The following AGTPBP1 variants were observed in gnomAD, a reference collection of about 807,000 sequenced individuals.
AGTPBP1 encodes ATP/GTP binding carboxypeptidase 1, also known as cytosolic carboxypeptidase 1.
AGTPBP1 carries 70 observed loss-of-function variants against 143.9 expected under a neutral mutation model. The ratio of observed to expected loss-of-function variants is 0.49; its 90% CI spans 0.40 to 0.59. The LOEUF is 0.59. Ranked by LOEUF, AGTPBP1 falls within the 20% of genes least tolerant of loss-of-function variation. The pLI, the probability that AGTPBP1 is intolerant of heterozygous loss-of-function variation, is 0.00. For missense variants in AGTPBP1, 1,229 were observed against 1,464.5 expected (o/e 0.84, Z 2.62); for synonymous variants, 463 against 500.2 (o/e 0.93, Z 0.99).
chr9:85,742,128 C>T, upstream of AGTPBP1: 1 of 864,600 alleles, frequency 1.2e-6, no homozygotes, highest in Non-Finnish European at 1.5e-6. Flanking sequence ...CGCTGCGCCC[C>T]GCCTCTCTGC....
intron 13 of AGTPBP1, 114 bp from the exon 14 acceptor site, chr9:85,633,488 G>A: frequency 7.0e-6 from 5 of 711,440 alleles, no homozygotes; most frequent in South Asian, 7.0e-5. Flanking sequence ...TTTTAAAGAT[G>A]GATAAAACCG....
chr9:85,655,344 A>G (rs1401011426), intron 10 of AGTPBP1, 24 bp from the exon 11 acceptor site: 1 of 1,476,408 alleles, frequency 6.8e-7, no homozygotes, highest in Non-Finnish European at 9.0e-7. Context: ...AAAGAAAAAG[A>G]AAAAGAATGT....
At chr9:85,728,063 A>ACC (rs1239636439) in intron 1 of AGTPBP1, among the ~76,000 whole-genome samples, 2 of 151,202 alleles carry the variant, frequency 1.3e-5, no homozygotes, top group Non-Finnish European at 2.9e-5. Flanking sequence ...ACACACACAC[A>ACC]CACACACACA....
intron 17 of AGTPBP1, among the ~76,000 whole-genome samples, chr9:85,608,429 G>A (rs1469897188): frequency 6.6e-6 from 1 of 151,814 alleles, no homozygotes; most frequent in African/African-American, 2.4e-5. Flanking sequence ...AAAATATAGA[G>A]AACCAAATGA....
At chr9:85,662,509 C>T (rs1385618826) in intron 8 of AGTPBP1, among the ~76,000 whole-genome samples, 4 of 152,028 alleles carry the variant, frequency 2.6e-5, no homozygotes, top group Admixed American at 1.3e-4. Flanking sequence ...ATAAGGATAG[C>T]TTTTAAATTG....
chr9:85,570,999 C>T (rs1467981951), intron 25 of AGTPBP1, among the ~76,000 whole-genome samples: 2 of 152,198 alleles, frequency 1.3e-5, no homozygotes, highest in Non-Finnish European at 2.9e-5. Context: ...AAAAACTAGA[C>T]TTAACCCTTA....
intron 1 of AGTPBP1, among the ~76,000 whole-genome samples, chr9:85,718,647 T>C (rs1837884458): frequency 6.6e-6 from 1 of 152,200 alleles, no homozygotes; most frequent in Admixed American, 6.5e-5. Context: ...ACAGTTTCTT[T>C]TGCTGTGCAG....
At chr9:85,756,759 A>G in the AGTPBP1 span, among the ~76,000 whole-genome samples, 1 of 152,202 alleles carries the variant, frequency 6.6e-6, no homozygotes, top group Non-Finnish European at 1.5e-5. Flanking sequence ...ATATTATTTG[A>G]CAATAGAAGG....
chr9:85,739,601 G>A (rs62570632), intron 1 of AGTPBP1, among the ~76,000 whole-genome samples: 2,225 of 151,970 alleles, frequency 0.015, 24 homozygotes, highest in Middle Eastern at 0.037. Flanking sequence ...CCAGCTATTC[G>A]GGAGGCTGAG....
At chr9:85,704,802 TAAAC>T (rs1352946052) in intron 2 of AGTPBP1, among the ~76,000 whole-genome samples, 5 of 152,066 alleles carry the variant, frequency 3.3e-5, no homozygotes, top group African/African-American at 4.8e-5. Flanking sequence ...TTATAATTAA[TAAAC>T]AAGGATATTA....
At position 85,714,247 on chromosome 9, in the gene AGTPBP1, C is replaced by G. The variant is rs576983830; in HGVS notation, c.-33-1681G>C. On this transcript the variant is annotated intron_variant, in intron 1 of 25. Transcript: ENST00000357081. The stretch of plus-strand genomic sequence containing the variant: ...AGTCCTCTGGCGTTACCAAAGTGAA[C>G]AGATCCAGGAGCTGAAGAGGGTCCA... 5.9e-5 allele frequency among the ~76,000 whole-genome samples: 9 copies of G among 152,304 alleles called. No individual in the cohort carries two copies. The East Asian group carries it at 1.7e-3, about 29-fold the overall frequency.
the AGTPBP1 span, among the ~76,000 whole-genome samples, chr9:85,785,202 C>A: frequency 6.6e-6 from 1 of 151,978 alleles, no homozygotes; most frequent in Non-Finnish European, 1.5e-5. Flanking sequence ...GGCGTGGTGG[C>A]GGGCGCCTGT....
At chr9:85,597,949 G>C (rs915695608) in intron 17 of AGTPBP1, among the ~76,000 whole-genome samples, 3 of 152,014 alleles carry the variant, frequency 2.0e-5, no homozygotes, top group Non-Finnish European at 4.4e-5. Context: ...CCAAGTATTG[G>C]TAAGATTATA....
At chr9:85,700,984 C>T (rs539060371) in intron 2 of AGTPBP1, among the ~76,000 whole-genome samples, 36 of 152,090 alleles carry the variant, frequency 2.4e-4, no homozygotes, top group African/African-American at 8.2e-4. Context: ...GTGGCGCAAT[C>T]TCGGCTCACT....
intron 13 of AGTPBP1, among the ~76,000 whole-genome samples, chr9:85,634,615 G>C (rs1831914393): frequency 6.6e-6 from 1 of 152,148 alleles, no homozygotes; most frequent in Non-Finnish European, 1.5e-5. Context: ...CAGGGTTTCT[G>C]AATGACAGTG....
rs189491975 is a variant in AGTPBP1 at position 85,724,977 on chromosome 9, T to C, written c.-33-12411A>G. Among the ~76,000 whole-genome samples the C allele has an allele frequency of 5.9e-5, 9 of 152,372 alleles. No homozygotes were observed. In the East Asian group the frequency reaches 1.7e-3, roughly 29 times the overall value. ...ATACGGTATAATGGCACACAGTATC[T>C]ATCCCAATTTCCCTCTACCGTGCCT... On this transcript the variant is annotated intron_variant, in intron 1 of 25. Transcript: ENST00000357081.
chr9:85,768,136 T>C, the AGTPBP1 span, among the ~76,000 whole-genome samples: 2 of 152,234 alleles, frequency 1.3e-5, no homozygotes, highest in African/African-American at 4.8e-5. Context: ...CAAACACTGA[T>C]ATGCTGCAGC....
At position 85,658,244 on chromosome 9, in the gene AGTPBP1, G is replaced by A. The variant is rs950071552; in HGVS notation, c.701-601C>T. ...ACTTTTTTAGTAAATGAAATTTAAG[G>A]AGCATTACATGATTAGAAAATAGTG... On this transcript the variant is annotated intron_variant, in intron 9 of 25. Coordinates refer to ENST00000357081, the MANE Select transcript of AGTPBP1 (RefSeq NM_001330701.2). 5.3e-5 allele frequency among the ~76,000 whole-genome samples: 8 copies of A among 152,044 alleles called. No individual in the cohort carries two copies. In the South Asian group the frequency reaches 6.2e-4, roughly 12 times the overall value.
At chr9:85,747,393 T>C in the AGTPBP1 span, among the ~76,000 whole-genome samples, 1 of 152,204 alleles carries the variant, frequency 6.6e-6, no homozygotes, top group South Asian at 2.1e-4. Context: ...GAGGATGGGC[T>C]TTTCCATTTC....
Sources: gnomAD v4.1 joint callset for allele counts (sites outside exome capture counted in the v4.1 genomes callset) on GRCh38, gnomAD v4.1.1 for gene constraint, MANE v1.5 for transcripts, NCBI Gene and HGNC (gene_info 2026-07-23, HGNC 2026-07-21) for gene names.